DTNB: variants seen among roughly 807,000 people sequenced by gnomAD.
DTNB encodes dystrobrevin beta, also known as DTN-B.
DTNB carries 63 observed loss-of-function variants against 90.7 expected under a neutral mutation model. That is an observed-to-expected ratio of 0.69 (90% CI 0.57 to 0.86). DTNB has a LOEUF of 0.86. Among genes scored for constraint, DTNB ranks in the 40% least tolerant of loss-of-function variants. The pLI is 0.00. For missense variants in DTNB, 744 were observed against 807.1 expected (o/e 0.92, Z 0.95); for synonymous variants, 277 against 286.7 (o/e 0.97, Z 0.34).
At chr2:25,531,426 G>A (rs749962772) in intron 9 of DTNB, 47 bp downstream of exon 9, 16 of 1,569,992 alleles carry the variant, frequency 1.0e-5, no homozygotes, top group Non-Finnish European at 1.3e-5. Flanking sequence ...ATTTCACAAG[G>A]CCCCCATTTC....
intron 16 of DTNB, among the ~76,000 whole-genome samples, chr2:25,405,709 C>T (rs1029771534): frequency 6.6e-6 from 1 of 151,830 alleles, no homozygotes. Context: ...CTGGTTTGGC[C>T]TGGAAAGCCT....
intron 1 of DTNB, among the ~76,000 whole-genome samples, chr2:25,658,530 T>C (rs2082519508): frequency 6.6e-6 from 1 of 152,190 alleles, no homozygotes; most frequent in Non-Finnish European, 1.5e-5. Flanking sequence ...TGCCCTTCAA[T>C]AGGTGAATGC....
chr2:25,541,148 TA>T (rs748928392), intron 8 of DTNB, among the ~76,000 whole-genome samples: 1 of 151,304 alleles, frequency 6.6e-6, no homozygotes, highest in Non-Finnish European at 1.5e-5. Flanking sequence ...ACAGCAAGAA[TA>T]AAGTTCACTG....
intron 9 of DTNB, among the ~76,000 whole-genome samples, chr2:25,525,939 C>A (rs1389318364): frequency 6.6e-6 from 1 of 151,830 alleles, no homozygotes; most frequent in East Asian, 1.9e-4. Context: ...CCACCCAATC[C>A]CCACCACCTC....
chr2:25,389,846 TTGTGTGTGTG>T (rs68107964), intron 16 of DTNB, among the ~76,000 whole-genome samples: 2,276 of 96,098 alleles, frequency 0.024, 64 homozygotes, highest in African/African-American at 0.08. Context: ...TTTGAATCAT[TTGTGTGTGTG>T]TGTGTGTGTG....
At chr2:25,647,721 A>G (rs961904695) in intron 2 of DTNB, among the ~76,000 whole-genome samples, 3 of 152,170 alleles carry the variant, frequency 2.0e-5, no homozygotes, top group Non-Finnish European at 4.4e-5. Flanking sequence ...TCAATCAGCC[A>G]ATCAACCAAC....
At chr2:25,566,916 CAGG>C (rs2059130398) in intron 8 of DTNB, among the ~76,000 whole-genome samples, 1 of 152,084 alleles carries the variant, frequency 6.6e-6, no homozygotes, top group Non-Finnish European at 1.5e-5. Context: ...TGGGCTGAGG[CAGG>C]AAGTACAGAC....
intron 2 of DTNB, among the ~76,000 whole-genome samples, chr2:25,643,316 G>T (rs1003709707): frequency 2.0e-5 from 3 of 152,102 alleles, no homozygotes; most frequent in Non-Finnish European, 2.9e-5. Context: ...CTGAACCCCA[G>T]TGCTTCCCCC....
At chr2:25,498,281 G>A (rs2069489105) in intron 9 of DTNB, among the ~76,000 whole-genome samples, 1 of 152,180 alleles carries the variant, frequency 6.6e-6, no homozygotes, top group Non-Finnish European at 1.5e-5. Context: ...GATAAATGAA[G>A]AAGTGAGAAA....
At position 25,388,858 on chromosome 2, in the gene DTNB, C is replaced by A. The variant is rs965307404; in HGVS notation, c.1576-497G>T. On this transcript the variant is annotated intron_variant, in intron 16 of 20. Coordinates refer to ENST00000406818, the MANE Select transcript of DTNB (RefSeq NM_021907.5). ...TGTATATATTTATATACGTATATATCTTTTTTGGAGACAGAGTCTTGCTTT... is the reference window on the plus strand; with the variant it reads ...TGTATATATTTATATACGTATATATATTTTTTGGAGACAGAGTCTTGCTTT... 6.0e-5 allele frequency among the ~76,000 whole-genome samples: 9 copies of A among 149,340 alleles called. No individual in the cohort carries two copies. In the East Asian group the frequency reaches 1.6e-3, roughly 26 times the overall value.
chr2:25,635,415 ACT>A (rs1292338517), intron 3 of DTNB, among the ~76,000 whole-genome samples: 4 of 152,070 alleles, frequency 2.6e-5, no homozygotes, highest in African/African-American at 9.7e-5. Flanking sequence ...CGATAGAGCG[ACT>A]CTGATTCAAA....
intron 9 of DTNB, among the ~76,000 whole-genome samples, chr2:25,490,120 TA>T (rs2067060067): frequency 6.6e-6 from 1 of 151,870 alleles, no homozygotes; most frequent in African/African-American, 2.4e-5. Context: ...TACAAAAAAT[TA>T]AAAAATCAGC....
chr2:25,446,932 G>C (rs534149369), intron 12 of DTNB, among the ~76,000 whole-genome samples: 52 of 151,932 alleles, frequency 3.4e-4, no homozygotes, highest in Admixed American at 5.2e-4. Context: ...TTTCTGTGTT[G>C]TGTTTTGGAA....
intron 10 of DTNB, among the ~76,000 whole-genome samples, chr2:25,468,061 A>G (rs2062119246): frequency 6.6e-6 from 1 of 152,124 alleles, no homozygotes; most frequent in African/African-American, 2.4e-5. Flanking sequence ...GCACATGCCA[A>G]TATCTGAGAG....
chr2:25,441,341 C>A (rs568884728), intron 12 of DTNB, among the ~76,000 whole-genome samples: 1 of 152,274 alleles, frequency 6.6e-6, no homozygotes, highest in African/African-American at 2.4e-5. Flanking sequence ...TGCTTCTAGG[C>A]CCTTGGATTG....
At chr2:25,557,600 C>T (rs1405260039) in intron 8 of DTNB, among the ~76,000 whole-genome samples, 5 of 152,124 alleles carry the variant, frequency 3.3e-5, no homozygotes, top group Non-Finnish European at 5.9e-5. Context: ...AAAAATAAAA[C>T]AAAGCAGATT....
At chr2:25,559,795 T>A (rs946329391) in intron 8 of DTNB, among the ~76,000 whole-genome samples, 15 of 152,148 alleles carry the variant, frequency 9.9e-5, no homozygotes, top group African/African-American at 3.4e-4. Flanking sequence ...ATCAAATGTA[T>A]TTTCATATAA....
At chr2:25,402,302 A>G (rs1234583422) in intron 16 of DTNB, among the ~76,000 whole-genome samples, 2 of 152,222 alleles carry the variant, frequency 1.3e-5, no homozygotes, top group Admixed American at 6.5e-5. Context: ...GGAAGTGCTC[A>G]GAGAATGGAG....
chr2:25,484,028 C>T (rs191199090), intron 9 of DTNB, among the ~76,000 whole-genome samples: 37 of 152,304 alleles, frequency 2.4e-4, no homozygotes, highest in African/African-American at 8.9e-4. Context: ...ATAGAGTGTA[C>T]TTACACATAC....
Sources: allele counts gnomAD v4.1 joint callset (sites outside exome capture counted in the v4.1 genomes callset), GRCh38; gene constraint gnomAD v4.1.1; transcripts MANE v1.5; gene names NCBI Gene and HGNC (gene_info 2026-07-23, HGNC 2026-07-21).